The following FBN2 variants were observed in gnomAD, a reference collection of about 807,000 sequenced individuals.
FBN2 encodes fibrillin 2.
In FBN2, 105 loss-of-function variants were observed where a neutral mutation model predicts 355.6. The ratio of observed to expected loss-of-function variants is 0.30; its 90% confidence interval spans 0.25 to 0.35. The LOEUF (loss-of-function observed/expected upper bound fraction) is 0.35. Among genes scored for constraint, FBN2 ranks in the 10% least tolerant of loss-of-function variants. The pLI, the probability that FBN2 is intolerant of heterozygous loss-of-function variation, is 1.00. For synonymous variants in FBN2, 1,350 were observed against 1,301.2 expected, an observed-to-expected ratio of 1.04 and a Z score of -0.81; for missense variants, 3,280 against 3,758.7, an observed-to-expected ratio of 0.87 and a Z score of 3.33.
At position 128,424,230 on chromosome 5, in the gene FBN2, A is replaced by G. The variant is rs1753427901; in HGVS notation, c.953-15431T>C. On this transcript the variant is annotated intron_variant, in intron 7 of 64. Transcript: ENST00000262464. The stretch of plus-strand genomic sequence containing the variant: ...AACTGCTTATAGATGATTGTTCCGC[A>G]GGGATGTTTCAGTAAGATAAAAAAT... Among the ~76,000 whole-genome samples the G allele has an allele frequency of 1.3e-5, 2 of 152,156 alleles. 1 individual carries two copies.
intron 7 of FBN2, among the ~76,000 whole-genome samples, chr5:128,430,745 G>A (rs1753597480): frequency 1.3e-5 from 2 of 152,086 alleles, no homozygotes; most frequent in Non-Finnish European, 2.9e-5. Context: ...TCGGGAGGCT[G>A]AGGCAGGAGA....
At chr5:128,280,826 C>A (rs32205) in intron 55 of FBN2, among the ~76,000 whole-genome samples, 105,742 of 151,980 alleles carry the variant, frequency 0.7, 36,988 homozygotes, top group East Asian at 0.85. Flanking sequence ...ATGGGAGAGG[C>A]AGTTTAAGTA....
At chr5:128,387,910 C>T (rs1752409726) in intron 11 of FBN2, among the ~76,000 whole-genome samples, 1 of 151,978 alleles carries the variant, frequency 6.6e-6, no homozygotes, top group Non-Finnish European at 1.5e-5. Context: ...TAGTTTCCTG[C>T]CTTGATGATC....
At chr5:128,401,532 C>T (rs1393821775) in intron 8 of FBN2, among the ~76,000 whole-genome samples, 2 of 152,092 alleles carry the variant, frequency 1.3e-5, no homozygotes, top group Non-Finnish European at 2.9e-5. Flanking sequence ...CCTGTAATCC[C>T]AGCACTTTGG....
rs1377655112 is a variant in FBN2, at chr5:128,275,332, C to T, written c.7595-649G>A. Among the ~76,000 whole-genome samples the T allele has an allele frequency of 3.3e-5, 5 of 152,106 alleles. No homozygotes were observed. In the South Asian group the frequency reaches 1.0e-3, roughly 32 times the overall value. On this transcript the variant is annotated intron_variant, in intron 59 of 64. Coordinates refer to ENST00000262464, the MANE Select transcript of FBN2 (RefSeq NM_001999.4). ...TTTACAGCTTAAAAAACGCTTTAGT[C>T]ATACTCATTTTTTTTTGATATGGAG...
chr5:128,413,038 G>A (rs556306453), intron 7 of FBN2, among the ~76,000 whole-genome samples: 42 of 152,306 alleles, frequency 2.8e-4, no homozygotes, highest in African/African-American at 1.0e-3. Flanking sequence ...AATGGAACAC[G>A]AATGGAAGAA....
rs1033004512 is a variant in FBN2 at position 128,537,552 on chromosome 5, A to T, written c.52T>A (p.Cys18Ser). 8.7e-6 allele frequency: 14 copies of T among 1,600,444 alleles called. No individual in the cohort carries two copies. Among genetic ancestry groups the T allele is most frequent in the Non-Finnish European group, 1.1e-5 (13 of 1,175,604 alleles). ...CLQLYFLWLG[C>S]VVLWAQGTAG... is the part of the protein sequence containing the mutation. ...GTGCCCTGCGCCCAGAGCACCACAC[A>T]GCCCAGCCACAGGAAGTAGAGCTGG... Residue 18 changes from cysteine (C) to serine (S), a missense_variant, in exon 1 of 65, where the codon TGT (cysteine) becomes AGT (serine). By Grantham distance (112) the Cys-to-Ser change is moderately radical. This residue lies in a region of FBN2 where 203 missense variants were observed against 142.2 expected (regional missense o/e 1.43). Coordinates refer to ENST00000262464, the MANE Select transcript of FBN2 (RefSeq NM_001999.4).
At chr5:128,496,002 C>G (rs543044957) in intron 5 of FBN2, among the ~76,000 whole-genome samples, 2 of 152,158 alleles carry the variant, frequency 1.3e-5, no homozygotes, top group South Asian at 2.1e-4. Context: ...TAATTATTTT[C>G]TAATTACTAA....
intron 5 of FBN2, among the ~76,000 whole-genome samples, chr5:128,499,986 A>T (rs1422266733): frequency 6.6e-6 from 1 of 152,176 alleles, no homozygotes; most frequent in Non-Finnish European, 1.5e-5. Context: ...TGAGGCACCC[A>T]CAGAATTAAC....
Position 128,400,875 on chromosome 5 carries a change from T to C in FBN2, c.1079-5601A>G, listed in dbSNP as rs560951785. Among the ~76,000 whole-genome samples the C allele has an allele frequency of 3.9e-5, 6 of 152,254 alleles. No homozygotes were observed. The East Asian group carries it at 9.7e-4, about 24-fold the overall frequency. On this transcript the variant is annotated intron_variant, in intron 8 of 64. Coordinates refer to ENST00000262464, the MANE Select transcript of FBN2 (RefSeq NM_001999.4). ...TTGTATCTCCCAGAATTCCCACATG[T>C]GGTGGGAGGGACCCAGAGGGAGGTA...
chr5:128,515,498 G>A (rs1756258232), intron 5 of FBN2, among the ~76,000 whole-genome samples: 1 of 152,120 alleles, frequency 6.6e-6, no homozygotes, highest in Non-Finnish European at 1.5e-5. Context: ...GAGTGAGTGA[G>A]AGCCCCTGAC....
intron 23 of FBN2, 89 bp from the exon 24 acceptor site, chr5:128,345,673 C>T: frequency 8.5e-7 from 1 of 1,183,364 alleles, no homozygotes; most frequent in South Asian, 1.3e-5. Context: ...CACCAGGCAT[C>T]ATGCAGGACC....
chr5:128,494,740 G>A (rs1755608525), intron 5 of FBN2, among the ~76,000 whole-genome samples: 1 of 152,156 alleles, frequency 6.6e-6, no homozygotes, highest in Admixed American at 6.5e-5. Context: ...TTCCACTGCA[G>A]AAGAAACAGA....
chr5:128,413,539 G>C (rs1323600045), intron 7 of FBN2, among the ~76,000 whole-genome samples: 1 of 152,136 alleles, frequency 6.6e-6, no homozygotes, highest in African/African-American at 2.4e-5. Context: ...AAAACCATCT[G>C]ACAGATTTCT....
chr5:128,497,485 C>T (rs1235152563), intron 5 of FBN2, among the ~76,000 whole-genome samples: 1 of 152,164 alleles, frequency 6.6e-6, no homozygotes, highest in Non-Finnish European at 1.5e-5. Flanking sequence ...TAGGGATTTG[C>T]TTTGTTGTCA....
intron 10 of FBN2, among the ~76,000 whole-genome samples, 187 bp downstream of exon 10, chr5:128,392,948 A>C (rs949388049): frequency 6.6e-6 from 1 of 152,214 alleles, no homozygotes; most frequent in African/African-American, 2.4e-5. Flanking sequence ...TCCCAAATTT[A>C]GTATTACTAT....
intron 17 of FBN2, chr5:128,365,184 A>G (rs538785288): frequency 2.4e-5 from 4 of 165,312 alleles, no homozygotes; most frequent in Non-Finnish European, 5.2e-5. Flanking sequence ...CTAATATTTA[A>G]TAAGTGTTTC....
chr5:128,514,122 A>C (rs550344819), intron 5 of FBN2, among the ~76,000 whole-genome samples: 1 of 152,124 alleles, frequency 6.6e-6, no homozygotes, highest in Non-Finnish European at 1.5e-5. Flanking sequence ...TCATTCTACT[A>C]AATCTTCAGA....
intron 5 of FBN2, among the ~76,000 whole-genome samples, chr5:128,474,263 G>A (rs1754950578): frequency 6.6e-6 from 1 of 152,192 alleles, no homozygotes; most frequent in South Asian, 2.1e-4. Flanking sequence ...CACTTTTGAA[G>A]AAGAAAGTTA....
Sources: allele counts gnomAD v4.1 joint callset (sites outside exome capture counted in the v4.1 genomes callset), GRCh38; gene constraint gnomAD v4.1.1; regional missense constraint gnomAD v4.1.1; transcripts MANE v1.5; gene names NCBI Gene and HGNC (gene_info 2026-07-23, HGNC 2026-07-21).